The following MGAT5B variants were observed in gnomAD, a reference collection of about 807,000 sequenced individuals.
MGAT5B encodes the protein alpha-1,6-mannosylglycoprotein 6-beta-N-acetylglucosaminyltransferase B.
In MGAT5B, 54 loss-of-function variants were observed where a neutral mutation model predicts 95.1. That is an observed-to-expected ratio of 0.57 (90% CI 0.46 to 0.71). MGAT5B has a LOEUF of 0.71. MGAT5B is among the 30% of genes least tolerant of loss of function. The pLI, the probability that MGAT5B is intolerant of heterozygous loss-of-function variation, is 0.00. For synonymous variants in MGAT5B, 464 were observed against 451.0 expected (o/e 1.03, Z -0.36); for missense variants, 935 against 1,088.6 (o/e 0.86, Z 1.99).
At position 76,917,833 on chromosome 17, in the gene MGAT5B, C is replaced by T. The variant is rs544151613; in HGVS notation, c.1026-7133C>T. 1.5e-4 allele frequency among the ~76,000 whole-genome samples: 23 copies of T among 152,322 alleles called. No individual in the cohort carries two copies. In the South Asian group the frequency reaches 4.8e-3, roughly 32 times the overall value. On this transcript the variant is annotated intron_variant, in intron 8 of 17. Coordinates refer to ENST00000569840, the MANE Select transcript of MGAT5B (RefSeq NM_001199172.2). The surrounding 1 kb of genome is among the most constrained non-coding windows in gnomAD (Gnocchi z 6.1). Reference sequence around the variant, plus strand: ...CCCAGCCCGGAGCAAATAGAGGGACCCTCGGGGTGGCCTGAGCACCAGGAG... The same window carrying T: ...CCCAGCCCGGAGCAAATAGAGGGACTCTCGGGGTGGCCTGAGCACCAGGAG...
At chr17:76,908,817 T>A (rs1968627966) in intron 8 of MGAT5B, among the ~76,000 whole-genome samples, 4 of 146,322 alleles carry the variant, frequency 2.7e-5, no homozygotes. Flanking sequence ...CTATCTTTTT[T>A]TTTTTTTGAG....
rs185862872 is a variant in MGAT5B at position 76,870,502 on chromosome 17, C to T, written c.68+1405C>T. Among the ~76,000 whole-genome samples the T allele has an allele frequency of 3.3e-5, 5 of 152,332 alleles. No homozygotes were observed. Among genetic ancestry groups the T allele is most frequent in the Admixed American group, 1.3e-4 (2 of 15,312 alleles). ...CTTCCGACCCCATCCCTGTCCCGCC[C>T]TCCGGGCCGCTGGGTGTTTCCTGGC... On this transcript the variant is annotated intron_variant, in intron 1 of 17. Transcript: ENST00000569840. The surrounding 1 kb of genome is among the most constrained non-coding windows in gnomAD (Gnocchi z 5.0).
chr17:76,922,059 G>A (rs959175050), intron 8 of MGAT5B, among the ~76,000 whole-genome samples: 7 of 152,180 alleles, frequency 4.6e-5, no homozygotes, highest in African/African-American at 7.2e-5. Context: ...GGGCTGTGAC[G>A]TGCTACAACC....
rs1033415248 is a variant in MGAT5B at position 76,912,134 on chromosome 17, C to T, written c.1025+5947C>T. 1.3e-5 allele frequency among the ~76,000 whole-genome samples: 2 copies of T among 152,192 alleles called. No individual in the cohort carries two copies. Among genetic ancestry groups the T allele is most frequent in the African/African-American group, 4.8e-5 (2 of 41,436 alleles). The stretch of plus-strand genomic sequence containing the variant: ...TTGGATTAGGGCCCACCCTAATGCC[C>T]TCACGTTAACTCCATTACCTCTGTA... On this transcript the variant is annotated intron_variant, in intron 8 of 17. Transcript: ENST00000569840. This position sits in a 1 kb window ranked among gnomAD's most constrained non-coding sequence, Gnocchi z 5.0.
intron 9 of MGAT5B, 106 bp downstream of exon 9, chr17:76,925,203 G>A: frequency 2.9e-6 from 4 of 1,396,582 alleles, no homozygotes; most frequent in Non-Finnish European, 3.9e-6. Context: ...GGGCCCAGGT[G>A]GGAGAACATA....
In MGAT5B at chr17:76,903,320, G is replaced by C. The variant is rs1191859110; in HGVS notation, c.463G>C (p.Asp155His). Residue 155 changes from aspartate to histidine, a missense_variant, in exon 5 of 18, where the codon GAC (aspartate) becomes CAC (histidine). Transcript: ENST00000569840. The stretch of plus-strand genomic sequence containing the variant: ...CCCTACAGTGTCAGAAGGCCGGCGG[G>C]ACCAGTGTGAGGCACCCAGTGACCC... ...LHSKVSEGRR[D>H]QCEAPSDPKF... The C allele has an allele frequency of 2.5e-6, 4 of 1,610,982 alleles. No individual in the cohort carries two copies. Among genetic ancestry groups the C allele is most frequent in the Non-Finnish European group, 3.4e-6 (4 of 1,178,590 alleles).
chr17:76,947,995 G>C lies in MGAT5B; in HGVS notation c.2089G>C (p.Gly697Arg). The C allele has an allele frequency of 6.2e-7, 1 of 1,612,386 alleles. No individual in the cohort carries two copies. Among genetic ancestry groups the C allele is most frequent in the South Asian group, 1.1e-5 (1 of 90,788 alleles). Residue 697 changes from glycine to arginine, a missense_variant, in exon 17 of 18, where the codon GGG becomes CGG. By Grantham distance (125) the Gly-to-Arg change is moderately radical (BLOSUM62 -2). Around this residue, in one of 4 missense-constraint regions of MGAT5B, gnomAD observed 440 missense variants for 523.6 expected, o/e 0.84. Coordinates refer to ENST00000569840, the MANE Select transcript of MGAT5B (RefSeq NM_001199172.2). ...CCTGCGGGCCTGGCTGGCCGTGCCT[G>C]GGAGGGCCTGCACCGACACCTGCCT... ...HALRAWLAVP[G>R]RACTDTCLDH...
In MGAT5B at chr17:76,932,722, G is replaced by A. The variant is rs747595499; in HGVS notation, c.1369G>A (p.Gly457Ser). 8 of 1,613,874 alleles carry A rather than the reference G, an allele frequency of 5.0e-6. No homozygotes were observed. The highest frequency in any genetic ancestry group is 6.8e-6 in the Non-Finnish European group (8 of 1,179,954). Residue 457 changes from glycine (G) to serine (S), a missense_variant, in exon 11 of 18, where the codon GGC (glycine) becomes AGC (serine). Physicochemically the swap from Gly to Ser is moderately conservative, Grantham distance 56. Transcript: ENST00000569840. ...NETEKRLIKG[G>S]KASNMAVVYG... The stretch of plus-strand genomic sequence containing the variant: ...GACGGAGAAGCGGCTCATCAAAGGC[G>A]GCAAGGCCAGCAACATGGCCGTGGT...
chr17:76,877,899 G>C (rs553705977), intron 2 of MGAT5B, among the ~76,000 whole-genome samples: 1 of 151,666 alleles, frequency 6.6e-6, no homozygotes, highest in Admixed American at 6.6e-5. Flanking sequence ...ACGGGGCCTC[G>C]GTGGGTAATA....
intron 3 of MGAT5B, among the ~76,000 whole-genome samples, chr17:76,884,721 A>G (rs902623970): frequency 6.6e-6 from 1 of 151,392 alleles, no homozygotes; most frequent in African/African-American, 2.4e-5. Context: ...CTCCTGCCTC[A>G]GTCTCCTGAG....
intron 8 of MGAT5B, chr17:76,913,865 C>A: frequency 2.2e-6 from 1 of 446,188 alleles, no homozygotes; most frequent in South Asian, 1.6e-5. Flanking sequence ...AATCCCAGCA[C>A]TTTGGGAGGT....
chr17:76,871,824 C>T (rs963048498), intron 1 of MGAT5B, among the ~76,000 whole-genome samples: 1 of 152,196 alleles, frequency 6.6e-6, no homozygotes, highest in African/African-American at 2.4e-5. Context: ...ATCAAGTCCT[C>T]TGATAGGTTC....
intron 3 of MGAT5B, among the ~76,000 whole-genome samples, chr17:76,886,107 T>G (rs1299270344): frequency 6.6e-6 from 1 of 152,264 alleles, no homozygotes; most frequent in Non-Finnish European, 1.5e-5. Flanking sequence ...AATGGCATCG[T>G]ATTATGTATC....
chr17:76,884,496 C>T (rs1404550153), intron 3 of MGAT5B, among the ~76,000 whole-genome samples: 1 of 151,836 alleles, frequency 6.6e-6, no homozygotes, highest in Non-Finnish European at 1.5e-5. Context: ...AGCAGTGGCA[C>T]GGTCTCGGGT....
chr17:76,936,272 G>A (rs1173986324), intron 12 of MGAT5B, among the ~76,000 whole-genome samples: 1 of 152,138 alleles, frequency 6.6e-6, no homozygotes, highest in Non-Finnish European at 1.5e-5. Context: ...GCCACGTGTG[G>A]TGGCGTGCGC....
intron 12 of MGAT5B, among the ~76,000 whole-genome samples, chr17:76,935,560 C>T (rs1373665056): frequency 6.9e-6 from 1 of 145,210 alleles, no homozygotes; most frequent in African/African-American, 2.5e-5. Flanking sequence ...TTCCTAATGA[C>T]TAATGATGAA....
intron 3 of MGAT5B, among the ~76,000 whole-genome samples, chr17:76,883,108 G>A (rs1047562703): frequency 2.0e-5 from 3 of 151,212 alleles, no homozygotes; most frequent in Non-Finnish European, 2.9e-5. Flanking sequence ...AGTGATTCTC[G>A]TGCCTCAGCC....
At chr17:76,933,585 G>C (rs1969563333) in intron 12 of MGAT5B, among the ~76,000 whole-genome samples, 1 of 152,040 alleles carries the variant, frequency 6.6e-6, no homozygotes, top group African/African-American at 2.4e-5. Context: ...GCGTTGGATG[G>C]GTTATTACAT....
In MGAT5B at chr17:76,948,966, T is replaced by C. The variant is rs1970123308; in HGVS notation, c.*128T>C. 6 of 1,093,090 alleles carry C rather than the reference T, an allele frequency of 5.5e-6. No homozygotes were observed. The highest frequency in any genetic ancestry group is 7.7e-6 in the Non-Finnish European group (6 of 781,824). The allele number at this position is 1,093,090 out of a possible 1,614,324, so 67.7% of individuals were successfully genotyped here. A position where few individuals can be genotyped will look rare whatever the true frequency, so the allele number is the denominator to read the frequency against. On this transcript the variant is annotated 3_prime_UTR_variant, in exon 18 of 18. Coordinates refer to ENST00000569840, the MANE Select transcript of MGAT5B (RefSeq NM_001199172.2). ...CCCCCCAGGCCGGAGCTTCCTTCCT[T>C]AGCCGGGAAGCTGGCAGAGGAGAGC...
Sources: gnomAD v4.1 joint callset for allele counts (sites outside exome capture counted in the v4.1 genomes callset) on GRCh38, gnomAD v4.1.1 for gene constraint, gnomAD v4.1.1 regional missense constraint, Gnocchi (gnomAD v3.1) non-coding constraint, MANE v1.5 for transcripts, NCBI Gene and HGNC (gene_info 2026-07-23, HGNC 2026-07-21) for gene names.